BTG4: variants seen among roughly 807,000 people sequenced by gnomAD.
The protein encoded by BTG4 is protein BTG4.
In BTG4, 10 loss-of-function variants were observed where a neutral mutation model predicts 19.3. That is an observed-to-expected ratio of 0.52 (90% CI 0.32 to 0.88). The LOEUF is 0.88. Among genes scored for constraint, BTG4 ranks in the 40% least tolerant of loss-of-function variants. The pLI is 0.04. For synonymous variants in BTG4, 91 were observed against 95.7 expected, an observed-to-expected ratio of 0.95 and a Z score of 0.29; for missense variants, 238 against 281.9, an observed-to-expected ratio of 0.84 and a Z score of 1.11.
chr11:111,438,618 G>A, the BTG4 span, among the ~76,000 whole-genome samples: 23,462 of 152,032 alleles, frequency 0.15, 2,050 homozygotes, highest in Admixed American at 0.2. Context: ...ACCCACCACC[G>A]CCAGCACCTA....
At chr11:111,488,553 G>C (rs1865205514) in intron 5 of BTG4, among the ~76,000 whole-genome samples, 1 of 152,050 alleles carries the variant, frequency 6.6e-6, no homozygotes, top group Admixed American at 6.6e-5. Flanking sequence ...AGGTTTCTTG[G>C]GAAGACCTCA....
chr11:111,509,134 A>G (rs7940946), intron 1 of BTG4, among the ~76,000 whole-genome samples: 5,307 of 152,274 alleles, frequency 0.035, 318 homozygotes, highest in African/African-American at 0.12. Flanking sequence ...CTTACTAATG[A>G]GAGTACAATG....
downstream of BTG4, among the ~76,000 whole-genome samples, chr11:111,466,273 T>C (rs567160131): frequency 2.6e-5 from 4 of 152,324 alleles, no homozygotes; most frequent in Admixed American, 2.0e-4. Context: ...CCATTCTTTA[T>C]TGTTCTCTCA....
At chr11:111,485,482 T>C (rs1313308037) in intron 5 of BTG4, among the ~76,000 whole-genome samples, 2 of 152,118 alleles carry the variant, frequency 1.3e-5, no homozygotes, top group African/African-American at 4.8e-5. Flanking sequence ...CACATGGAAA[T>C]TTTAAAATAT....
intron 5 of BTG4, among the ~76,000 whole-genome samples, chr11:111,480,622 C>T (rs1165500733): frequency 6.6e-6 from 1 of 151,904 alleles, no homozygotes; most frequent in African/African-American, 2.4e-5. Flanking sequence ...CCAACCAGAA[C>T]AGAACCAAAT....
the BTG4 span, among the ~76,000 whole-genome samples, chr11:111,425,753 C>T: frequency 5.3e-5 from 8 of 152,244 alleles, no homozygotes; most frequent in Admixed American, 2.0e-4. Context: ...GATCTGAGGG[C>T]GGGCACAGTG....
chr11:111,461,340 G>C, the BTG4 span, among the ~76,000 whole-genome samples: 1 of 152,198 alleles, frequency 6.6e-6, no homozygotes, highest in Non-Finnish European at 1.5e-5. Context: ...CCACGTGCCT[G>C]TCTCCTCTGG....
the BTG4 span, among the ~76,000 whole-genome samples, chr11:111,424,075 G>C: frequency 6.6e-5 from 10 of 152,178 alleles, no homozygotes; most frequent in Non-Finnish European, 4.4e-5. Flanking sequence ...AGGCTCAGAG[G>C]CTTGACCAGC....
the BTG4 span, among the ~76,000 whole-genome samples, chr11:111,423,274 T>A: frequency 4.6e-5 from 7 of 152,174 alleles, no homozygotes; most frequent in Admixed American, 4.6e-4. Context: ...GAAATTAGAT[T>A]CTGGGAACAT....
At chr11:111,483,023 C>T (rs1864835956) in intron 5 of BTG4, among the ~76,000 whole-genome samples, 1 of 151,862 alleles carries the variant, frequency 6.6e-6, no homozygotes, top group African/African-American at 2.4e-5. Context: ...CTAATAGAAC[C>T]CTCTAGCAAG....
upstream of BTG4, chr11:111,512,458 G>C (rs1201334247): frequency 6.6e-6 from 1 of 151,950 alleles, no homozygotes; most frequent in East Asian, 1.9e-4. Flanking sequence ...GGGTTCCAAG[G>C]ACGGTTGGTC....
At chr11:111,434,057 C>T in the BTG4 span, among the ~76,000 whole-genome samples, 1 of 152,156 alleles carries the variant, frequency 6.6e-6, no homozygotes, top group African/African-American at 2.4e-5. Flanking sequence ...TGGGTATATA[C>T]CCAAAGGATT....
chr11:111,458,720 C>CA, the BTG4 span, among the ~76,000 whole-genome samples: 40 of 152,128 alleles, frequency 2.6e-4, no homozygotes, highest in Middle Eastern at 3.4e-3. Flanking sequence ...AGCCCTGATA[C>CA]AAGGAAAGGC....
chr11:111,413,508 A>G, the BTG4 span, among the ~76,000 whole-genome samples: 46 of 152,268 alleles, frequency 3.0e-4, no homozygotes, highest in Non-Finnish European at 5.4e-4. Context: ...GATCCTCATA[A>G]CAATCATACA....
At chr11:111,453,389 C>A in the BTG4 span, 4 of 441,830 alleles carry the variant, frequency 9.1e-6, no homozygotes, top group South Asian at 4.8e-5. Flanking sequence ...CCTTCCCACT[C>A]CCCATTATGT....
intron 1 of BTG4, among the ~76,000 whole-genome samples, chr11:111,507,378 T>A (rs1452833796): frequency 6.6e-6 from 1 of 152,188 alleles, no homozygotes; most frequent in Non-Finnish European, 1.5e-5. Context: ...TTTGTTTTTT[T>A]GTTTTTTATT....
chr11:111,492,501 A>G (rs996983999), downstream of BTG4, among the ~76,000 whole-genome samples: 2 of 152,218 alleles, frequency 1.3e-5, no homozygotes, highest in African/African-American at 4.8e-5. Flanking sequence ...AGAATGATCA[A>G]CCAACAAGCA....
At chr11:111,397,595 C>G in the BTG4 span, 2 of 152,194 alleles carry the variant, frequency 1.3e-5, no homozygotes, top group Non-Finnish European at 2.9e-5. Flanking sequence ...GAGGACTTAT[C>G]TGAGCCCCAG....
chr11:111,485,702 G>C (rs890027928), intron 5 of BTG4, among the ~76,000 whole-genome samples: 8 of 151,994 alleles, frequency 5.3e-5, no homozygotes, highest in Admixed American at 5.2e-4. Context: ...AGAAAAGCAA[G>C]AGCAAACCAA....
Sources: allele counts gnomAD v4.1 joint callset (sites outside exome capture counted in the v4.1 genomes callset), GRCh38; gene constraint gnomAD v4.1.1; transcripts MANE v1.5; gene names NCBI Gene and HGNC (gene_info 2026-07-23, HGNC 2026-07-21).